The following IL6ST variants were observed in gnomAD, a reference collection of about 807,000 sequenced individuals.
The protein encoded by IL6ST is interleukin-6 receptor subunit beta.
Under a neutral mutation model 91.3 loss-of-function variants are expected in IL6ST, and 24 were observed. The ratio of observed to expected loss-of-function variants is 0.26; its 90% confidence interval spans 0.19 to 0.37. The LOEUF is 0.37. Among genes scored for constraint, IL6ST ranks in the 10% least tolerant of loss-of-function variants. The probability of loss-of-function intolerance (pLI) is 1.00; values close to 1 mark genes in which losing one functional copy is unlikely to be tolerated. For synonymous variants in IL6ST, 351 were observed against 373.6 expected (o/e 0.94, Z 0.70); for missense variants, 914 against 1,078.5 (o/e 0.85, Z 2.14).
chr5:55,944,200 G>T (rs1480101448), intron 15 of IL6ST, among the ~76,000 whole-genome samples: 1 of 152,116 alleles, frequency 6.6e-6, no homozygotes, highest in Non-Finnish European at 1.5e-5. Flanking sequence ...ATATGGTCTA[G>T]ATGTACTATA....
At chr5:55,959,727 G>T (rs942586484) in intron 8 of IL6ST, 4 of 853,204 alleles carry the variant, frequency 4.7e-6, no homozygotes, top group Non-Finnish European at 5.0e-6. Flanking sequence ...TGATAGTGGG[G>T]ATCTAAGGTG....
rs1283603109 is a variant in IL6ST at position 55,935,395 on chromosome 5, C to T, written c.*5687G>A. 3 of 202,764 alleles carry T rather than the reference C, an allele frequency of 1.5e-5. No homozygotes were observed. The highest frequency in any genetic ancestry group is 7.5e-5 in the East Asian group (1 of 13,274). 12.6% of individuals were successfully genotyped at this position (202,764 alleles called of 1,614,324 possible). ...CTTCGTATCTGTTGAAAATCTTTAG[C>T]GGTTGGGGAAAATAGCTATATTTAA... On this transcript the variant is annotated 3_prime_UTR_variant, in exon 17 of 17. Transcript: ENST00000381298.
intron 8 of IL6ST, 46 bp from the exon 9 acceptor site, chr5:55,957,337 T>A: frequency 1.0e-6 from 1 of 982,632 alleles, no homozygotes; most frequent in Non-Finnish European, 1.5e-6. Context: ...GTTTTAACAG[T>A]AAAATAAAAT....
chr5:55,981,771 G>A (rs1420740106), intron 2 of IL6ST, among the ~76,000 whole-genome samples: 3 of 152,054 alleles, frequency 2.0e-5, no homozygotes, highest in East Asian at 1.9e-4. Flanking sequence ...CTCTTGCAGA[G>A]TTTTCTATGC....
At chr5:55,966,072 TA>T (rs1752612662) in intron 5 of IL6ST, among the ~76,000 whole-genome samples, 1 of 152,188 alleles carries the variant, frequency 6.6e-6, no homozygotes, top group Non-Finnish European at 1.5e-5. Context: ...CCACAGTTGA[TA>T]AAGGCAAGTT....
intron 8 of IL6ST, among the ~76,000 whole-genome samples, chr5:55,957,973 CAAATT>C (rs1752087816): frequency 6.6e-6 from 1 of 151,928 alleles, no homozygotes; most frequent in Non-Finnish European, 1.5e-5. Flanking sequence ...AATAATAAAA[CAAATT>C]AAGATAAATG....
At chr5:55,989,171 G>A (rs1180037878) in intron 1 of IL6ST, among the ~76,000 whole-genome samples, 2 of 146,042 alleles carry the variant, frequency 1.4e-5, no homozygotes, top group African/African-American at 5.1e-5. Context: ...AAAAAAAAAG[G>A]GCAGTCTAAA....
chr5:55,950,476 C>A (rs568251225), intron 14 of IL6ST, among the ~76,000 whole-genome samples: 6 of 130,046 alleles, frequency 4.6e-5, no homozygotes, highest in African/African-American at 9.0e-5. Flanking sequence ...GTGGAGGTTG[C>A]AGTGAGCTGA....
intron 1 of IL6ST, among the ~76,000 whole-genome samples, chr5:55,993,215 C>T (rs181066107): frequency 4.5e-4 from 69 of 152,270 alleles, no homozygotes; most frequent in African/African-American, 1.6e-3. Flanking sequence ...TATGGGTTGC[C>T]CTTAAGTTCC....
chr5:55,989,256 G>C (rs1318597675), intron 1 of IL6ST, among the ~76,000 whole-genome samples: 1 of 151,382 alleles, frequency 6.6e-6, no homozygotes, highest in Non-Finnish European at 1.5e-5. Context: ...ACACACTCAA[G>C]TGTATATAAG....
At chr5:55,985,884 G>A (rs186434465) in intron 1 of IL6ST, among the ~76,000 whole-genome samples, 16 of 152,236 alleles carry the variant, frequency 1.1e-4, no homozygotes, top group Non-Finnish European at 1.5e-4. Context: ...CTACTGTTAC[G>A]ACACAAAAGC....
Position 55,938,103 on chromosome 5 carries a change from T to C in IL6ST, c.*2979A>G, listed in dbSNP as rs553473774. 39 of 189,928 alleles carry C rather than the reference T, an allele frequency of 2.1e-4. 1 individual carries two copies. The East Asian group carries it at 3.1e-3, about 15-fold the overall frequency. 11.8% of individuals were successfully genotyped at this position (189,928 alleles called of 1,614,324 possible). A position where few individuals can be genotyped will look rare whatever the true frequency, so the allele number is the denominator to read the frequency against. ...TAAATATGAGCTTTAATGAATGTTT[T>C]GTAACATTTTAAAGTTGTAACATTT... On this transcript the variant is annotated 3_prime_UTR_variant, in exon 17 of 17. Transcript: ENST00000381298.
intron 15 of IL6ST, among the ~76,000 whole-genome samples, chr5:55,943,688 T>C (rs1751058061): frequency 6.6e-6 from 1 of 152,056 alleles, no homozygotes; most frequent in Non-Finnish European, 1.5e-5. Context: ...TTTGACCAAA[T>C]TGTGACACCC....
At chr5:55,952,431 T>C (rs1484364616) in intron 11 of IL6ST, 80 bp from the exon 12 acceptor site, 1 of 759,256 alleles carries the variant, frequency 1.3e-6, no homozygotes. Context: ...TTTTACATTA[T>C]AATTTCATGA....
At chr5:55,963,242 AATATTTC>A in intron 7 of IL6ST, 103 bp downstream of exon 7, 1 of 774,236 alleles carries the variant, frequency 1.3e-6, no homozygotes, top group Non-Finnish European at 2.1e-6. Context: ...TATCAAGCAA[AATATTTC>A]ACATAACCAG....
At chr5:55,980,935 G>A (rs1419504609) in intron 2 of IL6ST, among the ~76,000 whole-genome samples, 1 of 152,140 alleles carries the variant, frequency 6.6e-6, no homozygotes. Flanking sequence ...TCACTATGTT[G>A]CACAGGCAGG....
At chr5:55,947,461 GA>G (rs759949848) in intron 15 of IL6ST, 31 bp downstream of exon 15, 1 of 1,210,880 alleles carries the variant, frequency 8.3e-7, no homozygotes, top group Non-Finnish European at 1.2e-6. Flanking sequence ...AAAGCTGGGG[GA>G]AAATGCAAAA....
chr5:55,961,093 C>T (rs377739040), intron 7 of IL6ST, among the ~76,000 whole-genome samples: 2 of 152,344 alleles, frequency 1.3e-5, no homozygotes, highest in African/African-American at 2.4e-5. Flanking sequence ...AAGACTAATA[C>T]ATTAAACTCA....
intron 7 of IL6ST, among the ~76,000 whole-genome samples, chr5:55,960,779 G>C (rs113745158): frequency 2.4e-4 from 36 of 150,362 alleles, no homozygotes; most frequent in African/African-American, 8.3e-4. Flanking sequence ...ACAGGTGCCC[G>C]CCACCACTCT....
Sources: gnomAD v4.1 joint callset for allele counts (sites outside exome capture counted in the v4.1 genomes callset) on GRCh38, gnomAD v4.1.1 for gene constraint, MANE v1.5 for transcripts, NCBI Gene and HGNC (gene_info 2026-07-23, HGNC 2026-07-21) for gene names.